Variants in ENOX1 observed in about 807,000 individuals in gnomAD.
ENOX1 encodes ecto-NOX disulfide-thiol exchanger 1.
ENOX1 carries 42 observed loss-of-function variants against 82.5 expected under a neutral mutation model. The observed-to-expected ratio is 0.51, with a 90% CI of 0.40 to 0.66. ENOX1 has a LOEUF of 0.66. Among genes scored for constraint, ENOX1 ranks in the 30% least tolerant of loss-of-function variants. ENOX1 has a pLI of 0.00. For missense variants in ENOX1, 608 were observed against 811.6 expected (o/e 0.75, Z 3.05); for synonymous variants, 271 against 282.2 (o/e 0.96, Z 0.40).
chr13:43,686,605 A>G (rs2086090458), intron 1 of ENOX1, among the ~76,000 whole-genome samples: 1 of 152,198 alleles, frequency 6.6e-6, no homozygotes, highest in South Asian at 2.1e-4. Flanking sequence ...GTCTTTGGTT[A>G]AAGATTCTCA....
intron 1 of ENOX1, among the ~76,000 whole-genome samples, chr13:43,701,182 T>G (rs1347312272): frequency 6.6e-6 from 1 of 152,176 alleles, no homozygotes. Context: ...TTTGTGCATG[T>G]ACATAAAAAC....
intron 3 of ENOX1, among the ~76,000 whole-genome samples, chr13:43,430,566 G>A (rs1294736496): frequency 6.6e-6 from 1 of 152,028 alleles, no homozygotes; most frequent in Non-Finnish European, 1.5e-5. Flanking sequence ...AGGAAATAAC[G>A]GAGACTCATA....
Position 43,236,666 on chromosome 13 carries a change from A to G in ENOX1, c.1684T>C (p.Leu562=). The G allele has an allele frequency of 1.3e-6, 2 of 1,586,612 alleles. No individual in the cohort carries two copies. The highest frequency in any genetic ancestry group is 1.7e-6 in the Non-Finnish European group (2 of 1,172,926). ...AGCAGAGCTTCTTTCTCTGATTTTAAGCCTTGGCTTCTTTTCTCAATATTG... is the reference window on the plus strand; with the variant it reads ...AGCAGAGCTTCTTTCTCTGATTTTAGGCCTTGGCTTCTTTTCTCAATATTG... ...ENNIEKRSQG[L]KSEKEALLIG... The change falls in exon 15 of 17, where the codon TTA becomes CTA. Residue 562 remains leucine (L), a synonymous_variant. Transcript: ENST00000690772.
chr13:43,399,420 A>AT (rs2053361729), intron 5 of ENOX1, among the ~76,000 whole-genome samples: 1 of 152,172 alleles, frequency 6.6e-6, no homozygotes, highest in African/African-American at 2.4e-5. Flanking sequence ...TTCTCCTCCA[A>AT]TAGGAGATGT....
At chr13:43,524,340 C>T (rs2077900146) in intron 2 of ENOX1, among the ~76,000 whole-genome samples, 1 of 152,164 alleles carries the variant, frequency 6.6e-6, no homozygotes, top group South Asian at 2.1e-4. Context: ...CCACACCTCA[C>T]ACACGTGTTC....
chr13:43,490,348 T>C lies in ENOX1; in HGVS notation c.-218-6196A>G, dbSNP rs183175272. Among the ~76,000 whole-genome samples, 342 of 152,302 alleles carry C rather than the reference T, an allele frequency of 2.2e-3. 7 individuals carry two copies. The highest frequency in any genetic ancestry group is 0.022 in the Admixed American group (330 of 15,292). ...TGAATTATGCCTTGAGTCTCACCCATAGAGGATTTAGATGAGACTCTGGAT... is the reference window on the plus strand; with the variant it reads ...TGAATTATGCCTTGAGTCTCACCCACAGAGGATTTAGATGAGACTCTGGAT... On this transcript the variant is annotated intron_variant, in intron 2 of 16. Coordinates refer to ENST00000690772, the MANE Select transcript of ENOX1 (RefSeq NM_001347969.2).
chr13:43,329,871 T>C (rs1435436865), intron 9 of ENOX1, among the ~76,000 whole-genome samples: 1 of 152,162 alleles, frequency 6.6e-6, no homozygotes. Flanking sequence ...GCCATTTGTC[T>C]TGCAAATGAA....
At position 43,451,759 on chromosome 13, in the gene ENOX1, C is replaced by T. The variant is rs2056980007; in HGVS notation, c.-75+32250G>A. On this transcript the variant is annotated intron_variant, in intron 3 of 16. Coordinates refer to ENST00000690772, the MANE Select transcript of ENOX1 (RefSeq NM_001347969.2). ...TTTGTATAGCCTTGCAGTACTGTTTCTATGCAAATAATAAACCTTTCTCAT... is the reference window on the plus strand; with the variant it reads ...TTTGTATAGCCTTGCAGTACTGTTTTTATGCAAATAATAAACCTTTCTCAT... Among the ~76,000 whole-genome samples the T allele has an allele frequency of 5.9e-5, 9 of 152,262 alleles. No homozygotes were observed. In the South Asian group the frequency reaches 1.9e-3, roughly 32 times the overall value.
chr13:43,403,718 G>A (rs1256673793), intron 5 of ENOX1, among the ~76,000 whole-genome samples: 1 of 152,008 alleles, frequency 6.6e-6, no homozygotes, highest in Non-Finnish European at 1.5e-5. Flanking sequence ...GCACACATCT[G>A]TGGTCCCAGC....
chr13:43,625,022 T>C (rs1212906947), intron 2 of ENOX1, among the ~76,000 whole-genome samples: 1 of 152,098 alleles, frequency 6.6e-6, no homozygotes, highest in Non-Finnish European at 1.5e-5. Flanking sequence ...GTCTCTTTGT[T>C]TACTTAAATC....
At position 43,269,575 on chromosome 13, in the gene ENOX1, T is replaced by G; in HGVS notation, c.1449A>C (p.Gln483His). 1 of 1,612,802 alleles carries G rather than the reference T, an allele frequency of 6.2e-7. No homozygotes were observed. Among genetic ancestry groups the G allele is most frequent in the Middle Eastern group, 1.7e-4 (1 of 6,054 alleles). ...LQQTMQGMQQ[Q>H]LLTIQEELNN... ...TTAACTCCTCCTGGATGGTTAGCAA[T>G]TGCTGTGAAATTAAAGGATATTTAG... Residue 483 changes from glutamine (Q) to histidine (H), a missense_variant and splice_region_variant, in exon 13 of 17, where the codon CAA becomes CAC. Gln to His is a conservative substitution (Grantham distance 24). Transcript: ENST00000690772.
At chr13:43,398,394 C>G (rs1278485203) in intron 5 of ENOX1, among the ~76,000 whole-genome samples, 4 of 152,080 alleles carry the variant, frequency 2.6e-5, no homozygotes, top group Non-Finnish European at 5.9e-5. Flanking sequence ...AGCCAAGAAC[C>G]TGGGGTGCTT....
At chr13:43,575,425 C>T (rs568652926) in intron 2 of ENOX1, among the ~76,000 whole-genome samples, 2 of 152,278 alleles carry the variant, frequency 1.3e-5, no homozygotes, top group Admixed American at 1.3e-4. Context: ...TTTCTCTATT[C>T]TCCATGCCCT....
At chr13:43,453,440 A>T (rs1245670916) in intron 3 of ENOX1, among the ~76,000 whole-genome samples, 1 of 152,162 alleles carries the variant, frequency 6.6e-6, no homozygotes, top group Admixed American at 6.6e-5. Flanking sequence ...GCAGATAGAG[A>T]TGTTTAGCAC....
rs148155515 is a variant in ENOX1, at chr13:43,285,328, G to A, written c.1446+13018C>T. ...ATATATATGGAGAAAAAGACTGAAA[G>A]GCTATATGTAAATGTTAGCAATAGT... is the stretch of plus-strand genomic sequence containing the variant. On this transcript the variant is annotated intron_variant, in intron 12 of 16. Transcript: ENST00000690772. 5.4e-3 allele frequency among the ~76,000 whole-genome samples: 822 copies of A among 152,126 alleles called. 8 individuals carry two copies. Among genetic ancestry groups the A allele is most frequent in the African/African-American group, 0.019 (798 of 41,498 alleles).
intron 2 of ENOX1, among the ~76,000 whole-genome samples, chr13:43,603,272 A>C (rs991411305): frequency 6.6e-6 from 1 of 152,042 alleles, no homozygotes; most frequent in Non-Finnish European, 1.5e-5. Flanking sequence ...ATAATATGTC[A>C]TGCTTTTTAT....
In ENOX1 at chr13:43,356,066, A is replaced by G. The variant is rs1184873571; in HGVS notation, c.676T>C (p.Tyr226His). Residue 226 changes from tyrosine (Y) to histidine (H), a missense_variant, in exon 8 of 17, where the codon TAT becomes CAT. Coordinates refer to ENST00000690772, the MANE Select transcript of ENOX1 (RefSeq NM_001347969.2). ...VDFAQARDDF[Y>H]EWECKQRMRA... ...ATCCTCTGCTTGCATTCCCACTCAT[A>G]GAAGTCATCCCTGGCCTGGGCAAAG... 1 of 1,614,142 alleles carries G rather than the reference A, an allele frequency of 6.2e-7. No homozygotes were observed. Among genetic ancestry groups the G allele is most frequent in the Non-Finnish European group, 8.5e-7 (1 of 1,180,024 alleles).
chr13:43,577,171 G>T (rs7330769), intron 2 of ENOX1, among the ~76,000 whole-genome samples: 4,868 of 151,434 alleles, frequency 0.032, 255 homozygotes, highest in African/African-American at 0.11. Flanking sequence ...TCGCTCAGTC[G>T]CCCAGGCTGG....
At chr13:43,604,340 T>C (rs1283661181) in intron 2 of ENOX1, among the ~76,000 whole-genome samples, 1 of 152,162 alleles carries the variant, frequency 6.6e-6, no homozygotes, top group East Asian at 1.9e-4. Context: ...GGGTTGCCTG[T>C]TCACTCTGAT....
Sources: allele counts gnomAD v4.1 joint callset (sites outside exome capture counted in the v4.1 genomes callset), GRCh38; gene constraint gnomAD v4.1.1; transcripts MANE v1.5; gene names NCBI Gene and HGNC (gene_info 2026-07-23, HGNC 2026-07-21).